ASMTL: variants seen among roughly 807,000 people sequenced by gnomAD.
ASMTL encodes the protein probable bifunctional dTTP/UTP pyrophosphatase/methyltransferase protein.
Under a neutral mutation model 60.3 loss-of-function variants are expected in ASMTL, and 57 were observed. The observed-to-expected ratio is 0.95, with a 90% CI of 0.76 to 1.18. The LOEUF (loss-of-function observed/expected upper bound fraction) is 1.18, where lower values mean the gene tolerates loss of function less well. Ranked by LOEUF, ASMTL falls within the 50% of genes most tolerant of loss-of-function variation. The probability of loss-of-function intolerance (pLI) is 0.00; values close to 1 mark genes in which losing one functional copy is unlikely to be tolerated. For missense variants in ASMTL, 981 were observed against 852.6 expected (o/e 1.15, Z -1.88); for synonymous variants, 419 against 373.0 (o/e 1.12, Z -1.42).
At chrX:1,435,608 C>A in intron 4 of ASMTL, 86 bp downstream of exon 4, 3 of 1,323,962 alleles carry the variant, frequency 2.3e-6, no homozygotes, top group South Asian at 1.2e-5. Context: ...AGAGATCCAC[C>A]CTGCTCCCCA....
At chrX:1,433,720 G>C (rs2090880586) in intron 5 of ASMTL, among the ~76,000 whole-genome samples, 1 of 151,922 alleles carries the variant, frequency 6.6e-6, no homozygotes, top group Non-Finnish European at 1.5e-5. Context: ...ACAGGGTTCA[G>C]GGAGCTTCTG....
chrX:1,452,312 C>T (rs1209619129), intron 1 of ASMTL, among the ~76,000 whole-genome samples: 6 of 148,050 alleles, frequency 4.1e-5, no homozygotes, highest in Admixed American at 2.7e-4. Context: ...TCTCCCCATC[C>T]CCAACCCTGG....
At chrX:1,430,939 A>AT in intron 6 of ASMTL, among the ~76,000 whole-genome samples, 1 of 142,392 alleles carries the variant, frequency 7.0e-6, no homozygotes, top group Admixed American at 7.2e-5. Context: ...ATTATATATA[A>AT]CTAATATGTA....
At chrX:1,445,836 G>GATTATTATA (rs2091219242) in intron 1 of ASMTL, among the ~76,000 whole-genome samples, 1 of 152,108 alleles carries the variant, frequency 6.6e-6, no homozygotes, top group Admixed American at 6.5e-5. Flanking sequence ...ACAGAGATAG[G>GATTATTATA]AGCTGAGGGG....
chrX:1,430,615 A>G (rs1232416397), intron 6 of ASMTL, among the ~76,000 whole-genome samples: 2 of 151,768 alleles, frequency 1.3e-5, no homozygotes, highest in Non-Finnish European at 2.9e-5. Flanking sequence ...TACAAAAAAT[A>G]GAAAAAATTA....
chrX:1,426,098 AAGG>A (rs1388728591), intron 7 of ASMTL, among the ~76,000 whole-genome samples: 1 of 151,966 alleles, frequency 6.6e-6, no homozygotes, highest in African/African-American at 2.4e-5. Context: ...CCTATAAGAA[AAGG>A]AGATGAGGAC....
rs750748297 is a variant in ASMTL, at chrX:1,432,194, G to A, written c.509+75C>T. The A allele has an allele frequency of 8.8e-6, 11 of 1,253,904 alleles. No homozygotes were observed. The South Asian group carries it at 8.8e-5, about 10-fold the overall frequency. The allele number at this position is 1,253,904 out of a possible 1,614,324, so 77.7% of individuals were successfully genotyped here. On this transcript the variant is annotated intron_variant, in intron 6 of 12. Coordinates refer to ENST00000381317, the MANE Select transcript of ASMTL (RefSeq NM_004192.4). ...GGCCTCCTTCTTTCCCAAAGGCTGG[G>A]TGGGACACCCCACGTGTGAGGGTGG...
chrX:1,440,943 T>C (rs1272422238), intron 2 of ASMTL, among the ~76,000 whole-genome samples: 64 of 152,156 alleles, frequency 4.2e-4, no homozygotes, highest in Non-Finnish European at 1.3e-4. Context: ...TCGTAACTGA[T>C]ATTACTATAT....
chrX:1,450,822 C>T (rs2091350856), intron 1 of ASMTL, among the ~76,000 whole-genome samples: 1 of 146,164 alleles, frequency 6.8e-6, no homozygotes, highest in Admixed American at 6.7e-5. Flanking sequence ...CACCCACATC[C>T]CTAGGCGGTA....
intron 11 of ASMTL, among the ~76,000 whole-genome samples, chrX:1,417,210 C>T (rs2090318039): frequency 6.6e-6 from 1 of 151,810 alleles, no homozygotes; most frequent in Admixed American, 6.6e-5. Context: ...CACACAGACA[C>T]ATGCACACAG....
intron 10 of ASMTL, among the ~76,000 whole-genome samples, chrX:1,418,693 G>A (rs1179517270): frequency 3.3e-5 from 5 of 152,114 alleles, no homozygotes; most frequent in African/African-American, 1.2e-4. Flanking sequence ...GGGTGAGTCA[G>A]GATATAATCA....
Position 1,452,687 on chromosome X carries a change from G to T in ASMTL, c.93+61C>A, listed in dbSNP as rs2091426892. 3.6e-6 allele frequency: 5 copies of T among 1,405,378 alleles called. No individual in the cohort carries two copies. In the South Asian group the frequency reaches 6.2e-5, roughly 17 times the overall value. The allele number at this position is 1,405,378 out of a possible 1,614,324, so 87.1% of individuals were successfully genotyped here. On this transcript the variant is annotated intron_variant, in intron 1 of 12. Coordinates refer to ENST00000381317, the MANE Select transcript of ASMTL (RefSeq NM_004192.4). ...ATCCCTAGAGTTCCTGAGTCGCTGG[G>T]CCCTCCGGGGTTCAGCCCCTCCGTC...
chrX:1,433,592 A>G (rs1462221456), intron 5 of ASMTL, among the ~76,000 whole-genome samples: 1 of 151,046 alleles, frequency 6.6e-6, no homozygotes, highest in Admixed American at 6.6e-5. Context: ...AGGCAGGAGA[A>G]GGGCGTGAAC....
intron 12 of ASMTL, among the ~76,000 whole-genome samples, chrX:1,412,232 GGTT>G (rs1266169569): frequency 2.0e-5 from 3 of 151,118 alleles, no homozygotes; most frequent in East Asian, 4.0e-4. Context: ...TTTTTGTTGT[GGTT>G]GTTCTTTTTT....
chrX:1,420,161 C>T (rs2090440421), intron 9 of ASMTL, among the ~76,000 whole-genome samples: 3 of 151,702 alleles, frequency 2.0e-5, no homozygotes, highest in Non-Finnish European at 4.4e-5. Context: ...GTTTCTGTCT[C>T]CCTATCTCTG....
intron 5 of ASMTL, 81 bp from the exon 6 acceptor site, chrX:1,432,458 G>T: frequency 9.6e-7 from 1 of 1,037,334 alleles, no homozygotes; most frequent in Non-Finnish European, 1.5e-6. Flanking sequence ...GCTGTGCTGT[G>T]GAGGTGTGTA....
intron 2 of ASMTL, among the ~76,000 whole-genome samples, chrX:1,439,362 C>T (rs1179857332): frequency 2.0e-5 from 3 of 152,140 alleles, no homozygotes; most frequent in Non-Finnish European, 4.4e-5. Context: ...CCGGGGCCCA[C>T]GGGGGCTGCG....
Position 1,428,166 on chromosome X carries a change from T to C in ASMTL, c.510-45A>G, listed in dbSNP as rs758299754. 4.5e-6 allele frequency: 7 copies of C among 1,559,578 alleles called. No individual in the cohort carries two copies. In the East Asian group the frequency reaches 1.4e-4, roughly 30 times the overall value. On this transcript the variant is annotated intron_variant, in intron 6 of 12. Coordinates refer to ENST00000381317, the MANE Select transcript of ASMTL (RefSeq NM_004192.4). ...TAAGAGGTGACAAGGAGGAGAAAAGTTCCTGGGTCTGAACATTTCACGGCT... is the reference window on the plus strand; with the variant it reads ...TAAGAGGTGACAAGGAGGAGAAAAGCTCCTGGGTCTGAACATTTCACGGCT...
intron 10 of ASMTL, 132 bp from the exon 11 acceptor site, chrX:1,418,248 T>C: frequency 4.8e-6 from 5 of 1,052,256 alleles, no homozygotes; most frequent in Non-Finnish European, 6.8e-6. Context: ...GGAAAGCCAG[T>C]GGTGGGGAGC....
Sources: allele counts gnomAD v4.1 joint callset (sites outside exome capture counted in the v4.1 genomes callset), GRCh38; gene constraint gnomAD v4.1.1; transcripts MANE v1.5; gene names NCBI Gene and HGNC (gene_info 2026-07-23, HGNC 2026-07-21).